FIRRM: variants seen among roughly 807,000 people sequenced by gnomAD.
The protein encoded by FIRRM is FIGNL1 interacting regulator of recombination and mitosis, also known as FIGNL1-interacting regulator of recombination and mitosis.
the FIRRM span, among the ~76,000 whole-genome samples, chr1:169,825,576 A>G: frequency 6.6e-6 from 1 of 152,374 alleles, no homozygotes; most frequent in South Asian, 2.1e-4. Flanking sequence ...AATGATGCTC[A>G]GTAGATGTAA....
At chr1:169,835,678 TTTCTATA>T in the FIRRM span, among the ~76,000 whole-genome samples, 1 of 152,222 alleles carries the variant, frequency 6.6e-6, no homozygotes, top group Non-Finnish European at 1.5e-5. Flanking sequence ...TCTTGAACTC[TTTCTATA>T]ACAAATTTTG....
At chr1:169,789,864 A>T in the FIRRM span, among the ~76,000 whole-genome samples, 1 of 152,234 alleles carries the variant, frequency 6.6e-6, no homozygotes, top group Non-Finnish European at 1.5e-5. Context: ...AAATAGTACG[A>T]ATTATTAAAA....
chr1:169,804,387 T>C, the FIRRM span: 1 of 664,864 alleles, frequency 1.5e-6, no homozygotes, highest in Non-Finnish European at 2.1e-6. Flanking sequence ...AATCTTGAAA[T>C]TTGGAATTTG....
At chr1:169,829,459 T>A in the FIRRM span, 1 of 1,600,658 alleles carries the variant, frequency 6.2e-7, no homozygotes, top group Non-Finnish European at 8.5e-7. Flanking sequence ...GGTAAGCATA[T>A]TACTTACTGT....
At chr1:169,850,349 C>G in the FIRRM span, 3 of 1,585,854 alleles carry the variant, frequency 1.9e-6, no homozygotes, top group Admixed American at 5.1e-5. Context: ...GGAGAAGGTA[C>G]TTTCTTTACA....
At chr1:169,788,536 T>C in the FIRRM span, among the ~76,000 whole-genome samples, 1 of 152,208 alleles carries the variant, frequency 6.6e-6, no homozygotes, top group African/African-American at 2.4e-5. Context: ...GAGTATGCTA[T>C]TAGTGGTTAA....
the FIRRM span, chr1:169,843,706 C>T: frequency 6.2e-7 from 1 of 1,613,106 alleles, no homozygotes; most frequent in Admixed American, 1.7e-5. Flanking sequence ...AACAGACATT[C>T]AGCCTTTTAC....
the FIRRM span, chr1:169,827,574 G>A: frequency 2.2e-6 from 2 of 900,804 alleles, no homozygotes; most frequent in Non-Finnish European, 3.5e-6. Context: ...GACGGTGGAG[G>A]TTGCAGTGAG....
chr1:169,811,697 TTATCTAAATAGATAATAGACAGATTATC>T, the FIRRM span, among the ~76,000 whole-genome samples: 26 of 146,716 alleles, frequency 1.8e-4, no homozygotes, highest in African/African-American at 6.0e-4. Context: ...AATAGACAGA[TTATCTAAATAGATAATAGACAGATTATC>T]TAAATAGATA....
the FIRRM span, chr1:169,851,926 C>G: frequency 6.2e-7 from 1 of 1,614,022 alleles, no homozygotes; most frequent in South Asian, 1.1e-5. Flanking sequence ...GCAAAGAGGT[C>G]ATCTTTACAG....
chr1:169,810,061 G>T, the FIRRM span, among the ~76,000 whole-genome samples: 1 of 152,118 alleles, frequency 6.6e-6, no homozygotes, highest in African/African-American at 2.4e-5. Flanking sequence ...CCTTGTTGCT[G>T]CATCCTCACT....
At chr1:169,804,098 G>A in the FIRRM span, 2 of 1,517,050 alleles carry the variant, frequency 1.3e-6, no homozygotes, top group Non-Finnish European at 1.8e-6. Context: ...TGTATTCTGG[G>A]TGTTTACACC....
chr1:169,793,336 T>C, the FIRRM span: 12 of 1,614,130 alleles, frequency 7.4e-6, no homozygotes, highest in South Asian at 4.4e-5. Context: ...AACCTGGTAA[T>C]GTTTCTATGA....
the FIRRM span, among the ~76,000 whole-genome samples, chr1:169,813,083 A>C: frequency 6.6e-6 from 1 of 152,188 alleles, no homozygotes; most frequent in Non-Finnish European, 1.5e-5. Context: ...TTTCATATGA[A>C]ATAATTCACA....
chr1:169,839,852 T>A, the FIRRM span, among the ~76,000 whole-genome samples: 1 of 152,232 alleles, frequency 6.6e-6, no homozygotes, highest in Admixed American at 6.5e-5. Flanking sequence ...ATTCTTATAG[T>A]TTGAGGTCTT....
chr1:169,809,242 C>G, the FIRRM span, among the ~76,000 whole-genome samples: 1 of 152,184 alleles, frequency 6.6e-6, no homozygotes, highest in South Asian at 2.1e-4. Context: ...TGCCCCTCCC[C>G]TTGTATCCCT....
chr1:169,800,395 A>G, the FIRRM span, among the ~76,000 whole-genome samples: 1 of 152,182 alleles, frequency 6.6e-6, no homozygotes, highest in Non-Finnish European at 1.5e-5. Context: ...GAAGTGATTC[A>G]TGTTCATTGT....
At chr1:169,825,366 A>G in the FIRRM span, among the ~76,000 whole-genome samples, 1 of 152,090 alleles carries the variant, frequency 6.6e-6, no homozygotes, top group South Asian at 2.1e-4. Flanking sequence ...CCTCTGCTAT[A>G]TTATGTATTT....
At chr1:169,784,940 G>A in the FIRRM span, 1 of 152,166 alleles carries the variant, frequency 6.6e-6, no homozygotes, top group Non-Finnish European at 1.5e-5. Context: ...TTCTTGATGG[G>A]ATGAGAATGT....
Sources: allele counts gnomAD v4.1 joint callset (sites outside exome capture counted in the v4.1 genomes callset), GRCh38; gene constraint gnomAD v4.1.1; transcripts MANE v1.5; gene names NCBI Gene and HGNC (gene_info 2026-07-23, HGNC 2026-07-21).